The following PSMD5 variants were observed in gnomAD, a reference collection of about 807,000 sequenced individuals.
PSMD5 encodes proteasome 26S subunit, non-ATPase 5, also known as 26S proteasome non-ATPase regulatory subunit 5.
A neutral mutation model predicts 52.1 loss-of-function variants in PSMD5; 40 were observed. That is an observed-to-expected ratio of 0.77 (90% CI 0.60 to 1.00). The LOEUF is 1.00. Among genes scored for constraint, PSMD5 ranks in the 50% least tolerant of loss-of-function variants. The pLI, the probability that PSMD5 is intolerant of heterozygous loss-of-function variation, is 0.00. For missense variants in PSMD5, 575 were observed against 605.2 expected, an observed-to-expected ratio of 0.95 and a Z score of 0.52; for synonymous variants, 211 against 226.6, an observed-to-expected ratio of 0.93 and a Z score of 0.62.
chr9:120,825,928 C>T (rs1289744874), intron 6 of PSMD5, among the ~76,000 whole-genome samples: 1 of 151,054 alleles, frequency 6.6e-6, no homozygotes, highest in African/African-American at 2.4e-5. Flanking sequence ...TGCCTAATTG[C>T]TCTGGCTATA....
chr9:120,818,588 T>A (rs781126301), intron 9 of PSMD5, among the ~76,000 whole-genome samples: 1 of 152,092 alleles, frequency 6.6e-6, no homozygotes, highest in African/African-American at 2.4e-5. Flanking sequence ...AAGATACTCA[T>A]ATAGTGCACA....
chr9:120,841,219 T>A (rs1241554298), intron 1 of PSMD5, among the ~76,000 whole-genome samples: 1 of 152,200 alleles, frequency 6.6e-6, no homozygotes, highest in African/African-American at 2.4e-5. Flanking sequence ...AAGATTGTAA[T>A]CCTTTTTAAA....
intron 2 of PSMD5, 119 bp downstream of exon 2, chr9:120,833,193 G>T (rs2045172973): frequency 3.4e-6 from 4 of 1,181,968 alleles, no homozygotes; most frequent in Admixed American, 2.0e-5. Flanking sequence ...GCAGAGGAGA[G>T]GGGGAGAAGG....
At chr9:120,838,236 G>C (rs903526570) in intron 1 of PSMD5, among the ~76,000 whole-genome samples, 3 of 152,192 alleles carry the variant, frequency 2.0e-5, no homozygotes, top group African/African-American at 4.8e-5. Flanking sequence ...TTGCCAACTT[G>C]TACGTTTTAT....
In PSMD5 at chr9:120,816,888, T is replaced by G. The variant is rs1256376147; in HGVS notation, c.*1018A>C. The G allele has an allele frequency of 1.3e-5, 2 of 152,164 alleles. No homozygotes were observed. Among genetic ancestry groups the G allele is most frequent in the Admixed American group, 6.5e-5 (1 of 15,276 alleles). The allele number at this position is 152,164 out of a possible 1,614,324, so 9.4% of individuals were successfully genotyped here. A position where few individuals can be genotyped will look rare whatever the true frequency, so the allele number is the denominator to read the frequency against. On this transcript the variant is annotated 3_prime_UTR_variant, in exon 10 of 10. Coordinates refer to ENST00000210313, the MANE Select transcript of PSMD5 (RefSeq NM_005047.4). ...TTCTCTGATCAACTCAAGATTGACT[T>G]TATAGGTATGAAAAATCCAAAGCAA... is the stretch of plus-strand genomic sequence containing the variant.
Position 120,817,823 on chromosome 9 carries a change from CTT to C in PSMD5, c.*81_*82del. ...GATAATTCTTGGGGAAAGGAAGTCT[CTT>C]TTGTGAAATATAGATGGAGTCAAAT... On this transcript the variant is annotated 3_prime_UTR_variant, in exon 10 of 10. Transcript: ENST00000210313. 7.1e-7 allele frequency: 1 copy of C among 1,412,260 alleles called. No homozygotes were observed. Among genetic ancestry groups the C allele is most frequent in the Non-Finnish European group, 9.6e-7 (1 of 1,039,186 alleles). 87.5% of individuals were successfully genotyped at this position (1,412,260 alleles called of 1,614,324 possible).
intron 1 of PSMD5, 181 bp downstream of exon 1, chr9:120,842,556 A>G: frequency 2.7e-6 from 2 of 734,754 alleles, no homozygotes; most frequent in South Asian, 3.7e-5. Context: ...GGGCACTCTC[A>G]GAGGCTGAAC....
chr9:120,837,952 T>A (rs1300281762), intron 1 of PSMD5, among the ~76,000 whole-genome samples: 1 of 152,228 alleles, frequency 6.6e-6, no homozygotes, highest in Non-Finnish European at 1.5e-5. Flanking sequence ...TATTTATTCA[T>A]GCCACATAGA....
intron 7 of PSMD5, among the ~76,000 whole-genome samples, chr9:120,822,527 TTC>T (rs1239465978): frequency 2.0e-5 from 3 of 152,138 alleles, no homozygotes; most frequent in African/African-American, 4.8e-5. Flanking sequence ...CGTATTAATT[TTC>T]TTTTTTTCTT....
chr9:120,826,223 T>C (rs1225362404), intron 6 of PSMD5, among the ~76,000 whole-genome samples: 1 of 152,192 alleles, frequency 6.6e-6, no homozygotes, highest in Non-Finnish European at 1.5e-5. Flanking sequence ...CTCGATCACC[T>C]GACCTCATGA....
At chr9:120,822,368 AT>A (rs1181671660) in intron 7 of PSMD5, among the ~76,000 whole-genome samples, 1 of 152,156 alleles carries the variant, frequency 6.6e-6, no homozygotes, top group Non-Finnish European at 1.5e-5. Context: ...GACCTTAGAA[AT>A]TTTCTTAACT....
chr9:120,819,563 G>A (rs1033316220), intron 9 of PSMD5, among the ~76,000 whole-genome samples: 2 of 152,310 alleles, frequency 1.3e-5, no homozygotes, highest in Admixed American at 6.5e-5. Context: ...GGCTAGGCGC[G>A]GTGGCTCACG....
At chr9:120,822,580 G>A (rs967886474) in intron 7 of PSMD5, among the ~76,000 whole-genome samples, 1 of 151,262 alleles carries the variant, frequency 6.6e-6, no homozygotes, top group African/African-American at 2.4e-5. Flanking sequence ...ATGGAGTCTT[G>A]CTGTGTCACC....
intron 1 of PSMD5, among the ~76,000 whole-genome samples, chr9:120,839,798 CTTTTTTTTTTTTT>C (rs5900462): frequency 0.015 from 1,205 of 78,590 alleles, 30 homozygotes; most frequent in African/African-American, 0.049. Context: ...TTTTTTTAAT[CTTTTTTTTTTTTT>C]TTTTTTTTTT....
intron 1 of PSMD5, among the ~76,000 whole-genome samples, chr9:120,836,120 TATTTC>T (rs1588072058): frequency 6.6e-6 from 1 of 152,254 alleles, no homozygotes; most frequent in African/African-American, 2.4e-5. Context: ...GTGTCTGGTT[TATTTC>T]ATTTAGCACA....
At position 120,833,352 on chromosome 9, in the gene PSMD5, A is replaced by AT; in HGVS notation, c.277dup (p.Ile93AsnfsTer4). 1 of 1,614,098 alleles carries AT rather than the reference A, an allele frequency of 6.2e-7. No individual in the cohort carries two copies. The highest frequency in any genetic ancestry group is 8.5e-7 in the Non-Finnish European group (1 of 1,179,982). Reference sequence around the variant, plus strand: ...GATTTTTACAGAATCATCAGGGTGAATTAGTCCCCTCTGCAGGTCAACCCT... The same window carrying AT: ...GATTTTTACAGAATCATCAGGGTGAATTTAGTCCCCTCTGCAGGTCAACCCT... On this transcript the variant is annotated frameshift_variant, in exon 2 of 10. Transcript: ENST00000210313. LOFTEE classifies it high-confidence loss of function.
Position 120,816,373 on chromosome 9 carries a change from G to C in PSMD5, c.*1533C>G, listed in dbSNP as rs2045042670. On this transcript the variant is annotated 3_prime_UTR_variant, in exon 10 of 10. Transcript: ENST00000210313. ...TAAAATAGTTATGACAAATTTTATT[G>C]TATATATTGCACCACATTGAAAAAA... is the stretch of plus-strand genomic sequence containing the variant. 1 of 152,036 alleles carries C rather than the reference G, an allele frequency of 6.6e-6. No homozygotes were observed. The highest frequency in any genetic ancestry group is 2.4e-5 in the African/African-American group (1 of 41,402). The allele number at this position is 152,036 out of a possible 1,614,324, so 9.4% of individuals were successfully genotyped here. A position where few individuals can be genotyped will look rare whatever the true frequency, so the allele number is the denominator to read the frequency against.
intron 7 of PSMD5, among the ~76,000 whole-genome samples, chr9:120,822,728 TG>T (rs2131422016): frequency 6.6e-6 from 1 of 152,088 alleles, no homozygotes; most frequent in East Asian, 1.9e-4. Context: ...GTAGAGACCA[TG>T]TTGGCCAGGC....
In PSMD5 at chr9:120,824,573, G is replaced by A. The variant is rs368077721; in HGVS notation, c.927C>T (p.Pro309=). 1 of 1,613,994 alleles carries A rather than the reference G, an allele frequency of 6.2e-7. No homozygotes were observed. Among genetic ancestry groups the A allele is most frequent in the African/African-American group, 1.3e-5 (1 of 74,906 alleles). ...TGTCTACAGCTACACCAATCATAGTGGGGTCCTGACTTTCTATCATTTCAA... is the reference window on the plus strand; with the variant it reads ...TGTCTACAGCTACACCAATCATAGTAGGGTCCTGACTTTCTATCATTTCAA... ...KVFEMIESQD[P]TMIGVAVDTV... Residue 309 remains proline, a synonymous_variant, in exon 7 of 10, where the codon CCC becomes CCT. Transcript: ENST00000210313.
Sources: allele counts gnomAD v4.1 joint callset (sites outside exome capture counted in the v4.1 genomes callset), GRCh38; gene constraint gnomAD v4.1.1; transcripts MANE v1.5; gene names NCBI Gene and HGNC (gene_info 2026-07-23, HGNC 2026-07-21).